Variants in MDGA2 observed in about 807,000 individuals in gnomAD.
MDGA2 encodes the protein MAM domain containing glycosylphosphatidylinositol anchor 2, also known as MAM domain-containing glycosylphosphatidylinositol anchor protein 2.
Under a neutral mutation model 117.8 loss-of-function variants are expected in MDGA2, and 40 were observed. The ratio of observed to expected loss-of-function variants is 0.34; its 90% CI spans 0.26 to 0.44. The LOEUF is 0.44. Ranked by LOEUF, MDGA2 falls within the 20% of genes least tolerant of loss-of-function variation. The pLI is 1.00. For synonymous variants in MDGA2, 452 were observed against 439.0 expected, an observed-to-expected ratio of 1.03 and a Z score of -0.37; for missense variants, 1,123 against 1,250.6, an observed-to-expected ratio of 0.90 and a Z score of 1.54.
chr14:47,645,529 C>T (rs1028123677), intron 1 of MDGA2, among the ~76,000 whole-genome samples: 39 of 151,716 alleles, frequency 2.6e-4, no homozygotes, highest in African/African-American at 6.0e-4. Flanking sequence ...CCACCGCGCC[C>T]GGCCCAATTC....
intron 1 of MDGA2, among the ~76,000 whole-genome samples, chr14:47,460,885 A>G (rs1893469142): frequency 6.6e-6 from 1 of 152,214 alleles, no homozygotes; most frequent in South Asian, 2.1e-4. Context: ...GAGAGCATAT[A>G]TTAATGTTGT....
intron 3 of MDGA2, among the ~76,000 whole-genome samples, chr14:47,167,357 C>G (rs1242392669): frequency 2.6e-5 from 4 of 152,148 alleles, no homozygotes; most frequent in African/African-American, 9.7e-5. Context: ...AGGCAAGATA[C>G]TTAACCTCTC....
chr14:47,614,968 GT>G (rs1447990352), intron 1 of MDGA2, among the ~76,000 whole-genome samples: 1 of 151,994 alleles, frequency 6.6e-6, no homozygotes, highest in Non-Finnish European at 1.5e-5. Context: ...TTTATTATTA[GT>G]ATTTGGCAGT....
At chr14:47,130,408 T>G (rs965299712) in intron 5 of MDGA2, among the ~76,000 whole-genome samples, 1 of 152,136 alleles carries the variant, frequency 6.6e-6, no homozygotes, top group Admixed American at 6.5e-5. Flanking sequence ...ATTTAAATCT[T>G]AGCCAAAATC....
At chr14:47,054,490 G>A (rs1012037069) in intron 7 of MDGA2, among the ~76,000 whole-genome samples, 34 of 119,708 alleles carry the variant, frequency 2.8e-4, no homozygotes, top group African/African-American at 8.9e-4. Context: ...AACAGTCCCC[G>A]GTGTGTGATG....
intron 2 of MDGA2, among the ~76,000 whole-genome samples, chr14:47,255,319 C>T (rs541512725): frequency 1.3e-5 from 2 of 152,248 alleles, no homozygotes; most frequent in Admixed American, 1.3e-4. Context: ...ACAAACAACC[C>T]TCCAGGGAGT....
chr14:46,925,488 T>C (rs958175833), intron 9 of MDGA2, among the ~76,000 whole-genome samples: 3 of 151,526 alleles, frequency 2.0e-5, no homozygotes, highest in Non-Finnish European at 2.9e-5. Flanking sequence ...AAAAATCAAC[T>C]GGGAGTGGTG....
intron 6 of MDGA2, among the ~76,000 whole-genome samples, chr14:47,074,133 TAAAAC>T (rs1235901207): frequency 8.0e-6 from 1 of 125,088 alleles, no homozygotes; most frequent in Non-Finnish European, 1.6e-5. Flanking sequence ...AATCATTAAT[TAAAAC>T]AAAGCAACAA....
At chr14:46,919,052 G>A (rs1216572262) in intron 10 of MDGA2, among the ~76,000 whole-genome samples, 4 of 152,086 alleles carry the variant, frequency 2.6e-5, no homozygotes, top group Non-Finnish European at 5.9e-5. Flanking sequence ...GTGAGCCACC[G>A]CGCCCGGCCA....
chr14:47,550,014 C>G (rs999229801), intron 1 of MDGA2, among the ~76,000 whole-genome samples: 3 of 152,196 alleles, frequency 2.0e-5, no homozygotes, highest in Non-Finnish European at 2.9e-5. Context: ...ATCTCCTTCT[C>G]AACTCCTAAG....
chr14:47,154,278 T>C (rs1035574127), intron 3 of MDGA2, among the ~76,000 whole-genome samples: 2 of 152,218 alleles, frequency 1.3e-5, no homozygotes, highest in African/African-American at 4.8e-5. Context: ...TTTAGTGTTA[T>C]ACTTTGATGG....
chr14:46,845,423 C>T (rs1481913177), intron 16 of MDGA2, among the ~76,000 whole-genome samples: 1 of 152,076 alleles, frequency 6.6e-6, no homozygotes, highest in Non-Finnish European at 1.5e-5. Context: ...TAAATATGTG[C>T]TATGTATATA....
chr14:47,536,678 CT>C (rs894431541), intron 1 of MDGA2, among the ~76,000 whole-genome samples: 19 of 151,946 alleles, frequency 1.3e-4, no homozygotes, highest in African/African-American at 4.4e-4. Flanking sequence ...CTACTACTAA[CT>C]TTTTTTTTCC....
At chr14:47,004,480 A>G (rs898622449) in intron 8 of MDGA2, among the ~76,000 whole-genome samples, 10 of 151,800 alleles carry the variant, frequency 6.6e-5, no homozygotes, top group African/African-American at 2.4e-4. Context: ...GCAATAAGCC[A>G]TCAGATAGTG....
chr14:46,968,744 A>C (rs907826989), intron 8 of MDGA2, among the ~76,000 whole-genome samples: 3 of 146,382 alleles, frequency 2.0e-5, no homozygotes, highest in African/African-American at 8.0e-5. Flanking sequence ...GGCTGAGACA[A>C]GAGAATTGCT....
At chr14:46,864,854 G>T (rs1881681388) in intron 14 of MDGA2, among the ~76,000 whole-genome samples, 1 of 151,898 alleles carries the variant, frequency 6.6e-6, no homozygotes, top group African/African-American at 2.4e-5. Context: ...CCACCTAAGA[G>T]TTGTCTTCTT....
At chr14:46,997,958 A>ATT (rs2138466710) in intron 8 of MDGA2, among the ~76,000 whole-genome samples, 1 of 152,276 alleles carries the variant, frequency 6.6e-6, no homozygotes, top group East Asian at 1.9e-4. Flanking sequence ...CTTTAAGTTT[A>ATT]AAGGCCAATG....
intron 1 of MDGA2, among the ~76,000 whole-genome samples, chr14:47,382,269 A>T: frequency 6.6e-6 from 1 of 152,250 alleles, no homozygotes; most frequent in East Asian, 1.9e-4. Flanking sequence ...AAACCTAGGC[A>T]ACACCATTCA....
chr14:47,015,799 A>G (rs1888063192), intron 8 of MDGA2, among the ~76,000 whole-genome samples: 2 of 152,272 alleles, frequency 1.3e-5, no homozygotes, highest in South Asian at 4.1e-4. Context: ...GAAGTCTGAG[A>G]AAGATACTGA....
Sources: gnomAD v4.1 joint callset for allele counts (sites outside exome capture counted in the v4.1 genomes callset) on GRCh38, gnomAD v4.1.1 for gene constraint, MANE v1.5 for transcripts, NCBI Gene and HGNC (gene_info 2026-07-23, HGNC 2026-07-21) for gene names.